The following ANKRD17 variants were observed in gnomAD, a reference collection of about 807,000 sequenced individuals.
ANKRD17 encodes ankyrin repeat domain-containing protein 17.
A neutral mutation model predicts 229.7 loss-of-function variants in ANKRD17; 19 were observed. The observed-to-expected ratio is 0.08, with a 90% confidence interval of 0.06 to 0.12. ANKRD17 has a LOEUF of 0.12. ANKRD17 is among the 10% of genes least tolerant of loss of function. The pLI is 1.00. For missense variants in ANKRD17, 2,176 were observed against 3,176.8 expected (o/e 0.68, Z 7.57); for synonymous variants, 1,112 against 1,146.1 (o/e 0.97, Z 0.60).
chr4:73,208,059 G>A (rs887758677), intron 1 of ANKRD17, among the ~76,000 whole-genome samples: 4 of 152,084 alleles, frequency 2.6e-5, no homozygotes, highest in Admixed American at 2.6e-4. Flanking sequence ...CGTGGTGGTG[G>A]GCGCCTGTAG....
At chr4:73,212,997 A>G (rs1315519532) in intron 1 of ANKRD17, among the ~76,000 whole-genome samples, 1 of 149,286 alleles carries the variant, frequency 6.7e-6, no homozygotes, top group African/African-American at 2.5e-5. Flanking sequence ...ACTGCACTCC[A>G]GCTTGGGAGA....
rs185319963 is a variant in ANKRD17, at chr4:73,079,978, C to T, written c.7160-1088G>A. 1.2e-4 allele frequency among the ~76,000 whole-genome samples: 18 copies of T among 152,082 alleles called. 1 individual carries two copies. Among genetic ancestry groups the T allele is most frequent in the African/African-American group, 4.1e-4 (17 of 41,492 alleles). ...AAAATTAGCCGGGCGTGGTGGCACG[C>T]GCCTGTAGTCCCAGCTACTCAGGAG... is the stretch of plus-strand genomic sequence containing the variant. On this transcript the variant is annotated intron_variant, in intron 30 of 33. Transcript: ENST00000358602.
At chr4:73,104,582 A>G (rs1046350972) in intron 24 of ANKRD17, among the ~76,000 whole-genome samples, 6 of 152,178 alleles carry the variant, frequency 3.9e-5, no homozygotes, top group African/African-American at 9.7e-5. Context: ...TTTTATCTGT[A>G]TCGTATCTGT....
chr4:73,198,520 GT>G (rs1738204339), intron 1 of ANKRD17, among the ~76,000 whole-genome samples: 1 of 152,064 alleles, frequency 6.6e-6, no homozygotes, highest in East Asian at 1.9e-4. Flanking sequence ...AATGAAATAT[GT>G]ATATGCAAAA....
chr4:73,138,863 C>T (rs556317754), intron 15 of ANKRD17, among the ~76,000 whole-genome samples: 11 of 152,020 alleles, frequency 7.2e-5, no homozygotes, highest in African/African-American at 1.4e-4. Flanking sequence ...TAGTTATAAT[C>T]GAATAAAATT....
At chr4:73,118,190 T>C (rs542156204) in intron 22 of ANKRD17, among the ~76,000 whole-genome samples, 1 of 152,088 alleles carries the variant, frequency 6.6e-6, no homozygotes, top group South Asian at 2.1e-4. Context: ...CTAATTTTTA[T>C]AATTTTTGTA....
intron 28 of ANKRD17, 46 bp from the exon 29 acceptor site, chr4:73,092,346 G>C: frequency 1.3e-6 from 2 of 1,494,654 alleles, no homozygotes; most frequent in South Asian, 2.6e-5. Flanking sequence ...CCCTACTTTT[G>C]AGTATGTAAA....
At chr4:73,231,321 G>A (rs1743022264) in intron 1 of ANKRD17, among the ~76,000 whole-genome samples, 1 of 152,140 alleles carries the variant, frequency 6.6e-6, no homozygotes, top group Non-Finnish European at 1.5e-5. Flanking sequence ...TAATCAGGAA[G>A]TAAAAACTAC....
At position 73,116,905 on chromosome 4, in the gene ANKRD17, T is replaced by C. The variant is rs368557247; in HGVS notation, c.4189-989A>G. 2.0e-4 allele frequency among the ~76,000 whole-genome samples: 30 copies of C among 152,148 alleles called. 1 individual carries two copies. The highest frequency in any genetic ancestry group is 1.4e-3 in the Admixed American group (21 of 15,272). ...TAGTACTCTAGCCCACAGTTGCACA[T>C]GTTAGGTACTCAAGAAATAATGGAA... On this transcript the variant is annotated intron_variant, in intron 22 of 33. Transcript: ENST00000358602.
intron 2 of ANKRD17, among the ~76,000 whole-genome samples, chr4:73,165,811 C>T (rs750754086): frequency 9.9e-5 from 15 of 152,116 alleles, no homozygotes; most frequent in Non-Finnish European, 1.9e-4. Flanking sequence ...GAGGGTGCCA[C>T]ATGTCAAAGA....
At chr4:73,113,048 A>G in intron 24 of ANKRD17, 1 of 1,104,408 alleles carries the variant, frequency 9.1e-7, no homozygotes, top group Non-Finnish European at 1.1e-6. Context: ...TCGGCCTCCC[A>G]AAGTGCTGGG....
chr4:73,161,378 C>T (rs756090800), intron 2 of ANKRD17, 30 bp from the exon 3 acceptor site: 1 of 1,609,254 alleles, frequency 6.2e-7, no homozygotes, highest in Admixed American at 1.7e-5. Flanking sequence ...CCAATATGGA[C>T]ACACCCAAAA....
In ANKRD17 at chr4:73,090,790, G is replaced by T. The variant is rs140882985; in HGVS notation, c.6838C>A (p.Pro2280Thr). 185 of 1,614,062 alleles carry T rather than the reference G, an allele frequency of 1.1e-4. No homozygotes were observed. The Middle Eastern group carries it at 1.2e-3, about 10-fold the overall frequency. ...GATTTTCCTGATAGCATAGATTCTGGTGTTGACTGAGATGAAACAACAGAT... is the reference window on the plus strand; with the variant it reads ...GATTTTCCTGATAGCATAGATTCTGTTGTTGACTGAGATGAAACAACAGAT... ...GGSVVSSQSTPESMLSGKSSY... is the reference protein window; with the variant it reads ...GGSVVSSQSTTESMLSGKSSY... Residue 2280 changes from proline to threonine, a missense_variant, in exon 29 of 34, where the codon CCA becomes ACA. Pro to Thr is a conservative substitution (Grantham distance 38, BLOSUM62 -1). This residue lies in a region of ANKRD17 where 424 missense variants were observed against 454.0 expected (regional missense o/e 0.93). Transcript: ENST00000358602.
chr4:73,084,742 C>T (rs1721945558), intron 30 of ANKRD17, among the ~76,000 whole-genome samples: 1 of 152,146 alleles, frequency 6.6e-6, no homozygotes, highest in Non-Finnish European at 1.5e-5. Context: ...TGCCACTGTG[C>T]CCAGCCTAGA....
In ANKRD17 at chr4:73,102,132, T is replaced by A. The variant is rs191594402; in HGVS notation, c.4573+244A>T. 1.2e-4 allele frequency among the ~76,000 whole-genome samples: 18 copies of A among 152,218 alleles called. No homozygotes were observed. The East Asian group carries it at 3.1e-3, about 26-fold the overall frequency. On this transcript the variant is annotated intron_variant, in intron 25 of 33. Transcript: ENST00000358602. Reference sequence around the variant, plus strand: ...TGTCCAGATAATTAAAAAAAATTTTTTTCCTTTTTTTGTATAGACAGTCTC... The same window carrying A: ...TGTCCAGATAATTAAAAAAAATTTTATTCCTTTTTTTGTATAGACAGTCTC...
intron 1 of ANKRD17, among the ~76,000 whole-genome samples, chr4:73,217,822 T>C (rs752187104): frequency 4.6e-5 from 7 of 152,180 alleles, no homozygotes; most frequent in Non-Finnish European, 8.8e-5. Flanking sequence ...ATAAGGTATA[T>C]ATAAAACATA....
chr4:73,121,145 G>T, intron 19 of ANKRD17, 51 bp from the exon 20 acceptor site: 2 of 1,460,254 alleles, frequency 1.4e-6, no homozygotes, highest in South Asian at 1.1e-5. Flanking sequence ...TATTTTAAAT[G>T]ACAGAAAAAT....
At chr4:73,135,915 TC>T (rs991027308) in intron 15 of ANKRD17, among the ~76,000 whole-genome samples, 4 of 152,156 alleles carry the variant, frequency 2.6e-5, no homozygotes, top group African/African-American at 7.2e-5. Flanking sequence ...CACCAATGAA[TC>T]CAGCAATCAC....
chr4:73,201,439 TAATAA>T (rs1199418647), intron 1 of ANKRD17, among the ~76,000 whole-genome samples: 1 of 150,970 alleles, frequency 6.6e-6, no homozygotes, highest in African/African-American at 2.4e-5. Context: ...TCAGAAAAAT[TAATAA>T]AATAGAAAAA....
Sources: allele counts gnomAD v4.1 joint callset (sites outside exome capture counted in the v4.1 genomes callset), GRCh38; gene constraint gnomAD v4.1.1; regional missense constraint gnomAD v4.1.1; transcripts MANE v1.5; gene names NCBI Gene and HGNC (gene_info 2026-07-23, HGNC 2026-07-21).